CYSLTR2: variants seen among roughly 807,000 people sequenced by gnomAD.
CYSLTR2 encodes the protein G-protein coupled receptor GPCR21.
For missense variants in CYSLTR2, 398 were observed against 411.9 expected (o/e 0.97, Z 0.29); for synonymous variants, 179 against 160.8 (o/e 1.11, Z -0.86).
chr13:48,673,305 T>C (rs763942526), intron 1 of CYSLTR2, among the ~76,000 whole-genome samples: 28 of 152,192 alleles, frequency 1.8e-4, no homozygotes, highest in Non-Finnish European at 3.4e-4. Flanking sequence ...TGGGTGCATA[T>C]ATATTTAGCA....
At chr13:48,675,621 C>T (rs1336582811) in intron 1 of CYSLTR2, among the ~76,000 whole-genome samples, 1 of 152,118 alleles carries the variant, frequency 6.6e-6, no homozygotes, top group African/African-American at 2.4e-5. Context: ...GATCACTTGG[C>T]TCCCTGGCTT....
At chr13:48,700,695 G>A (rs972175503) in intron 4 of CYSLTR2, among the ~76,000 whole-genome samples, 1 of 151,920 alleles carries the variant, frequency 6.6e-6, no homozygotes, top group Non-Finnish European at 1.5e-5. Flanking sequence ...AGAAATAAAG[G>A]GTATTAAATT....
In CYSLTR2 at chr13:48,710,864, T is replaced by A. The variant is rs1415962708; in HGVS notation, c.*3006T>A. The A allele has an allele frequency of 6.6e-6, 1 of 152,188 alleles. No homozygotes were observed. The highest frequency in any genetic ancestry group is 1.5e-5 in the Non-Finnish European group (1 of 68,040). 9.4% of individuals were successfully genotyped at this position (152,188 alleles called of 1,614,324 possible). A position where few individuals can be genotyped will look rare whatever the true frequency, so the allele number is the denominator to read the frequency against. Reference sequence around the variant, plus strand: ...GGTCTTGGAATGCAACTCCCACAGATAAGGGGGTGCTGCTGGAGTGAAATA... The same window carrying A: ...GGTCTTGGAATGCAACTCCCACAGAAAAGGGGGTGCTGCTGGAGTGAAATA... On this transcript the variant is annotated 3_prime_UTR_variant, in exon 5 of 5. Transcript: ENST00000682523.
chr13:48,704,399 C>A (rs539173591), intron 4 of CYSLTR2, among the ~76,000 whole-genome samples: 1 of 152,198 alleles, frequency 6.6e-6, no homozygotes, highest in Admixed American at 6.5e-5. Flanking sequence ...CATGCACCTG[C>A]AATCGATTGT....
At chr13:48,672,612 T>C (rs749545200) in intron 1 of CYSLTR2, among the ~76,000 whole-genome samples, 7 of 112,740 alleles carry the variant, frequency 6.2e-5, no homozygotes, top group Non-Finnish European at 1.1e-4. Context: ...TTTTCTTTTC[T>C]TTTCTTTTTT....
chr13:48,661,190 G>A (rs919360721), intron 1 of CYSLTR2, among the ~76,000 whole-genome samples: 2 of 151,666 alleles, frequency 1.3e-5, no homozygotes, highest in Admixed American at 6.6e-5. Context: ...GGGCTCAAGC[G>A]ATCTTCCTGC....
chr13:48,687,971 G>A (rs1427201166), intron 1 of CYSLTR2, among the ~76,000 whole-genome samples: 1 of 152,160 alleles, frequency 6.6e-6, no homozygotes, highest in African/African-American at 2.4e-5. Context: ...ACTAGAGGTG[G>A]GAAAATCCCT....
At chr13:48,700,560 A>G (rs1774211321) in intron 4 of CYSLTR2, among the ~76,000 whole-genome samples, 1 of 152,240 alleles carries the variant, frequency 6.6e-6, no homozygotes, top group Admixed American at 6.5e-5. Flanking sequence ...AGCCAATATC[A>G]TACTGAATGG....
At position 48,710,529 on chromosome 13, in the gene CYSLTR2, C is replaced by T. The variant is rs1185317340; in HGVS notation, c.*2671C>T. 6.6e-6 allele frequency: 1 copy of T among 152,078 alleles called. No individual in the cohort carries two copies. The highest frequency in any genetic ancestry group is 6.6e-5 in the Admixed American group (1 of 15,252). 9.4% of individuals were successfully genotyped at this position (152,078 alleles called of 1,614,324 possible). A position where few individuals can be genotyped will look rare whatever the true frequency, so the allele number is the denominator to read the frequency against. ...ACCAAAGAGAAGCTGTAAAGTGCTT[C>T]CTCTAACAGAAAATGTGAAAGTTCT... is the stretch of plus-strand genomic sequence containing the variant. On this transcript the variant is annotated 3_prime_UTR_variant, in exon 5 of 5. Transcript: ENST00000682523.
chr13:48,659,590 C>T (rs1953079553), intron 1 of CYSLTR2, among the ~76,000 whole-genome samples: 1 of 152,106 alleles, frequency 6.6e-6, no homozygotes, highest in Non-Finnish European at 1.5e-5. Context: ...AATAAATGGG[C>T]TTGTGAGGAG....
intron 1 of CYSLTR2, among the ~76,000 whole-genome samples, chr13:48,681,860 T>C (rs755617574): frequency 2.0e-5 from 3 of 152,166 alleles, no homozygotes; most frequent in Non-Finnish European, 4.4e-5. Context: ...CTTGATTGCT[T>C]TCAAATCTAT....
At position 48,709,632 on chromosome 13, in the gene CYSLTR2, AAGT is replaced by A. The variant is rs1954589682; in HGVS notation, c.*1778_*1780del. 6.6e-6 allele frequency: 1 copy of A among 152,032 alleles called. No homozygotes were observed. Among genetic ancestry groups the A allele is most frequent in the South Asian group, 2.1e-4 (1 of 4,836 alleles). 9.4% of individuals were successfully genotyped at this position (152,032 alleles called of 1,614,324 possible). ...TCAGAGCCTCATTCTTAATTATGAA[AAGT>A]AGTCAATGAACACAATACATTTGAG... On this transcript the variant is annotated 3_prime_UTR_variant, in exon 5 of 5. Transcript: ENST00000682523.
At chr13:48,670,432 T>C (rs569748420) in intron 1 of CYSLTR2, among the ~76,000 whole-genome samples, 38 of 152,356 alleles carry the variant, frequency 2.5e-4, no homozygotes, top group Non-Finnish European at 4.6e-4. Flanking sequence ...AAGTTTTTAA[T>C]CTATCTTGAG....
intron 1 of CYSLTR2, among the ~76,000 whole-genome samples, chr13:48,680,859 G>T (rs1953737307): frequency 8.2e-6 from 1 of 122,326 alleles, no homozygotes. Flanking sequence ...GTAGTCAAAT[G>T]TATTTTATAT....
At chr13:48,685,474 G>A (rs1325476357) in intron 1 of CYSLTR2, among the ~76,000 whole-genome samples, 2 of 152,098 alleles carry the variant, frequency 1.3e-5, no homozygotes, top group Non-Finnish European at 2.9e-5. Context: ...ACAGACTTCT[G>A]GCCTCCAGAA....
chr13:48,668,511 G>A (rs1449426998), intron 1 of CYSLTR2, among the ~76,000 whole-genome samples: 1 of 152,042 alleles, frequency 6.6e-6, no homozygotes, highest in East Asian at 1.9e-4. Context: ...TAGTTTCAAA[G>A]TGTCTTTACA....
chr13:48,687,401 G>GTTATTGA (rs1271889155), intron 1 of CYSLTR2, among the ~76,000 whole-genome samples: 1 of 150,062 alleles, frequency 6.7e-6, no homozygotes, highest in Non-Finnish European at 1.5e-5. Context: ...ATGATAATTG[G>GTTATTGA]TAGATTATCA....
chr13:48,695,094 T>G (rs1451129483), intron 3 of CYSLTR2, among the ~76,000 whole-genome samples: 2 of 124,844 alleles, frequency 1.6e-5, no homozygotes, highest in Non-Finnish European at 3.2e-5. Context: ...TTTTTTTTTT[T>G]GTCAGAGTCT....
At position 48,657,301 on chromosome 13, in the gene CYSLTR2, C is replaced by T. The variant is rs116697635; in HGVS notation, c.-266+3284C>T. On this transcript the variant is annotated intron_variant, in intron 1 of 4. Transcript: ENST00000682523. ...TTGACAAAGAAATCTAGTTATTATTCGAGAGGCCCAGGATAAGGGTCTAAG... is the reference window on the plus strand; with the variant it reads ...TTGACAAAGAAATCTAGTTATTATTTGAGAGGCCCAGGATAAGGGTCTAAG... Among the ~76,000 whole-genome samples, 541 of 152,218 alleles carry T rather than the reference C, an allele frequency of 3.6e-3. 4 individuals carry two copies. Among genetic ancestry groups the T allele is most frequent in the African/African-American group, 0.012 (501 of 41,536 alleles).
Sources: gnomAD v4.1 joint callset for allele counts (sites outside exome capture counted in the v4.1 genomes callset) on GRCh38, gnomAD v4.1.1 for gene constraint, MANE v1.5 for transcripts, NCBI Gene and HGNC (gene_info 2026-07-23, HGNC 2026-07-21) for gene names.